TNPO3: variants seen among roughly 807,000 people sequenced by gnomAD.
TNPO3 encodes transportin-3.
In TNPO3, 65 loss-of-function variants were observed where a neutral mutation model predicts 122.8. That is an observed-to-expected ratio of 0.53 (90% CI 0.43 to 0.65). The LOEUF is 0.65. Ranked by LOEUF, TNPO3 falls within the 30% of genes least tolerant of loss-of-function variation. The pLI is 0.00. For missense variants in TNPO3, 850 were observed against 1,136.7 expected (o/e 0.75, Z 3.63); for synonymous variants, 372 against 411.2 (o/e 0.90, Z 1.15).
chr7:129,037,933 A>T (rs1806898187), intron 1 of TNPO3, among the ~76,000 whole-genome samples: 1 of 152,194 alleles, frequency 6.6e-6, no homozygotes, highest in East Asian at 1.9e-4. Flanking sequence ...AATGAATGAC[A>T]CAAGAAAAAC....
At chr7:129,049,553 A>T (rs1563114799) in intron 1 of TNPO3, among the ~76,000 whole-genome samples, 2 of 152,262 alleles carry the variant, frequency 1.3e-5, no homozygotes, top group Non-Finnish European at 2.9e-5. Context: ...GATAAAATTC[A>T]AGAACTAATG....
At chr7:128,969,699 T>C (rs1205708624) in intron 20 of TNPO3, among the ~76,000 whole-genome samples, 1 of 152,226 alleles carries the variant, frequency 6.6e-6, no homozygotes, top group African/African-American at 2.4e-5. Context: ...TATATCCAAC[T>C]GTACATTGTG....
chr7:129,035,607 C>A (rs1806546786), intron 1 of TNPO3, among the ~76,000 whole-genome samples: 1 of 151,920 alleles, frequency 6.6e-6, no homozygotes, highest in South Asian at 2.1e-4. Flanking sequence ...CAGAGCGAGA[C>A]CACGTCGGGG....
At chr7:128,990,977 CA>C (rs3840563) in intron 10 of TNPO3, among the ~76,000 whole-genome samples, 41,148 of 151,810 alleles carry the variant, frequency 0.27, 6,313 homozygotes, top group Middle Eastern at 0.38. Context: ...TGCATATAAA[CA>C]AAAAAAATAT....
intron 10 of TNPO3, 144 bp downstream of exon 10, chr7:128,991,855 A>G (rs776390457): frequency 2.3e-6 from 1 of 441,826 alleles, no homozygotes; most frequent in Non-Finnish European, 4.0e-6. Context: ...ACTAGACTCT[A>G]GAAGTCAGAA....
At chr7:128,994,123 A>AGGAGAAAATCTTT (rs1186157641) in intron 8 of TNPO3, among the ~76,000 whole-genome samples, 10 of 152,096 alleles carry the variant, frequency 6.6e-5, no homozygotes, top group Admixed American at 6.6e-4. Flanking sequence ...TGCCTTTACC[A>AGGAGAAAATCTTT]GGAGAAAATC....
intron 19 of TNPO3, 77 bp from the exon 20 acceptor site, chr7:128,970,392 G>T: frequency 7.1e-7 from 1 of 1,401,484 alleles, no homozygotes; most frequent in Non-Finnish European, 9.7e-7. Flanking sequence ...TTCCCCTTTA[G>T]TAATTTCTCT....
chr7:128,979,587 A>G (rs1799427871), intron 15 of TNPO3, among the ~76,000 whole-genome samples: 1 of 152,230 alleles, frequency 6.6e-6, no homozygotes, highest in African/African-American at 2.4e-5. Context: ...CAATTCTTAA[A>G]ACATGACTTT....
chr7:129,017,161 C>T, intron 2 of TNPO3, 105 bp from the exon 3 acceptor site: 9 of 1,048,352 alleles, frequency 8.6e-6, no homozygotes, highest in Non-Finnish European at 1.3e-5. Context: ...AATATGACAA[C>T]TAAGACTAAC....
chr7:128,966,427 T>C (rs1161063655), intron 21 of TNPO3, among the ~76,000 whole-genome samples: 1 of 152,192 alleles, frequency 6.6e-6, no homozygotes, highest in East Asian at 1.9e-4. Flanking sequence ...ACAAAAAGAC[T>C]ATCAGGGCAA....
intron 1 of TNPO3, among the ~76,000 whole-genome samples, chr7:129,045,829 A>C (rs2150553587): frequency 6.6e-6 from 1 of 152,144 alleles, no homozygotes; most frequent in East Asian, 1.9e-4. Flanking sequence ...ACAAACATAG[A>C]CTCCAATACT....
rs1442732447 is a variant in TNPO3, at chr7:129,045,496, A to AG, written c.120+9154dup. Reference sequence around the variant, plus strand: ...GGGCAACAGAACAAGACCCTGTCTCAGAAAAAAAAAAAACGTTAAAATGCT... The same window carrying AG: ...GGGCAACAGAACAAGACCCTGTCTCAGGAAAAAAAAAAAACGTTAAAATGCT... On this transcript the variant is annotated intron_variant, in intron 1 of 22. Coordinates refer to ENST00000265388, the MANE Select transcript of TNPO3 (RefSeq NM_012470.4). Among the ~76,000 whole-genome samples the AG allele has an allele frequency of 1.5e-4, 23 of 150,268 alleles. No homozygotes were observed. The East Asian group carries it at 4.5e-3, about 29-fold the overall frequency.
intron 16 of TNPO3, among the ~76,000 whole-genome samples, chr7:128,976,517 A>C (rs1055218061): frequency 6.6e-6 from 1 of 152,116 alleles, no homozygotes; most frequent in African/African-American, 2.4e-5. Flanking sequence ...TCTGTTGCCC[A>C]GGCTGGAGTG....
chr7:128,982,271 T>C lies in TNPO3; in HGVS notation c.1836A>G (p.Leu612=), dbSNP rs552334120. 7 of 1,613,388 alleles carry C rather than the reference T, an allele frequency of 4.3e-6. No homozygotes were observed. In the South Asian group the frequency reaches 6.6e-5, roughly 15 times the overall value. The change falls in exon 14 of 23, where the codon TTA becomes TTG. Residue 612 remains leucine (L), a synonymous_variant. Coordinates refer to ENST00000265388, the MANE Select transcript of TNPO3 (RefSeq NM_012470.4). ...NGISSDPTVF[L]DRLAVIFRHT... is the part of the protein sequence containing the mutation. ...ACCTAAATATCACTGCAAGGCGATCTAAGAACACTGTGGGATCTGAGGATA... is the reference window on the plus strand; with the variant it reads ...ACCTAAATATCACTGCAAGGCGATCCAAGAACACTGTGGGATCTGAGGATA...
chr7:129,030,729 G>A (rs1247940152), intron 1 of TNPO3, among the ~76,000 whole-genome samples: 2 of 151,676 alleles, frequency 1.3e-5, no homozygotes, highest in East Asian at 1.9e-4. Context: ...TCATACGGAT[G>A]TGGCAATATG....
rs1405206180 is a variant in TNPO3 at position 128,954,580 on chromosome 7, C to T, written c.*837G>A. On this transcript the variant is annotated 3_prime_UTR_variant, in exon 23 of 23. Coordinates refer to ENST00000265388, the MANE Select transcript of TNPO3 (RefSeq NM_012470.4). ...CCAGTTTTGGCTCTTCTCTCCAAGG[C>T]AGACAACAAACTGATGTGGATTGGA... The T allele has an allele frequency of 3.1e-5, 4 of 130,396 alleles. No individual in the cohort carries two copies. Among genetic ancestry groups the T allele is most frequent in the Non-Finnish European group, 6.3e-5 (4 of 63,452 alleles). The allele number at this position is 130,396 out of a possible 1,614,324, so 8.1% of individuals were successfully genotyped here. A position where few individuals can be genotyped will look rare whatever the true frequency, so the allele number is the denominator to read the frequency against.
Position 128,986,938 on chromosome 7 carries a change from G to A in TNPO3, c.1499-18C>T, listed in dbSNP as rs1455393454. The A allele has an allele frequency of 6.3e-7, 1 of 1,587,180 alleles. No homozygotes were observed. The highest frequency in any genetic ancestry group is 8.6e-7 in the Non-Finnish European group (1 of 1,169,082). ...CACAGGGTCTAAGAAGAAAAGCCAA[G>A]CAGAGATTACATATCTGAAACTAAA... On this transcript the variant is annotated intron_variant, in intron 11 of 22. Transcript: ENST00000265388.
intron 4 of TNPO3, among the ~76,000 whole-genome samples, chr7:129,013,198 C>T (rs1022920379): frequency 1.3e-5 from 2 of 151,942 alleles, no homozygotes; most frequent in African/African-American, 2.4e-5. Context: ...TACAAGCAAA[C>T]ATTAGGGAAA....
At chr7:129,014,427 G>A (rs1182175404) in intron 4 of TNPO3, among the ~76,000 whole-genome samples, 1 of 152,182 alleles carries the variant, frequency 6.6e-6, no homozygotes. Flanking sequence ...GGAGGCTGAG[G>A]TGAGAGGATC....
Sources: allele counts gnomAD v4.1 joint callset (sites outside exome capture counted in the v4.1 genomes callset), GRCh38; gene constraint gnomAD v4.1.1; transcripts MANE v1.5; gene names NCBI Gene and HGNC (gene_info 2026-07-23, HGNC 2026-07-21).